CABIN1: variants seen among roughly 807,000 people sequenced by gnomAD.
CABIN1 encodes the protein calcineurin binding protein 1.
Under a neutral mutation model 227.7 loss-of-function variants are expected in CABIN1, and 133 were observed. That is an observed-to-expected ratio of 0.58 (90% CI 0.51 to 0.67). The LOEUF (loss-of-function observed/expected upper bound fraction) is 0.67. Among genes scored for constraint, CABIN1 ranks in the 30% least tolerant of loss-of-function variants. The pLI is 0.00. For missense variants in CABIN1, 2,408 were observed against 2,852.5 expected, an observed-to-expected ratio of 0.84 and a Z score of 3.55; for synonymous variants, 1,086 against 1,155.1, an observed-to-expected ratio of 0.94 and a Z score of 1.21.
At chr22:24,066,120 C>T (rs960520939) in intron 15 of CABIN1, among the ~76,000 whole-genome samples, 4 of 152,094 alleles carry the variant, frequency 2.6e-5, no homozygotes, top group African/African-American at 7.2e-5. Context: ...CATAGTTAGC[C>T]CAGGGTTGAC....
intron 25 of CABIN1, among the ~76,000 whole-genome samples, chr22:24,097,234 T>A (rs951109511): frequency 1.3e-5 from 2 of 152,216 alleles, no homozygotes; most frequent in African/African-American, 4.8e-5. Context: ...TTATAGAACA[T>A]TCAGGTAGTA....
Position 24,138,257 on chromosome 22 carries a change from A to G in CABIN1, c.4746+3842A>G, listed in dbSNP as rs146832959. ...CACAAACAGAAGACTTCTGTGACCA[A>G]ATGGGGGGCAGATTTAAGAGACAGC... On this transcript the variant is annotated intron_variant, in intron 29 of 36. Coordinates refer to ENST00000263119, the MANE Select transcript of CABIN1 (RefSeq NM_012295.4). 8.7e-3 allele frequency among the ~76,000 whole-genome samples: 1,329 copies of G among 152,258 alleles called. 20 individuals carry two copies. The highest frequency in any genetic ancestry group is 0.03 in the African/African-American group (1,245 of 41,534).
At chr22:24,176,340 G>A in intron 35 of CABIN1, 65 bp downstream of exon 35, 1 of 1,536,794 alleles carries the variant, frequency 6.5e-7, no homozygotes, top group East Asian at 2.4e-5. Context: ...TGGCAGCCAG[G>A]GTGGGTTTCC....
At chr22:24,017,174 C>T (rs1323368358) in intron 1 of CABIN1, among the ~76,000 whole-genome samples, 1 of 151,050 alleles carries the variant, frequency 6.6e-6, no homozygotes, top group Non-Finnish European at 1.5e-5. Flanking sequence ...GTAGCTGGGA[C>T]TACAGGCGCG....
chr22:24,070,640 A>G (rs748976946), intron 16 of CABIN1, among the ~76,000 whole-genome samples, 160 bp from the exon 17 acceptor site: 2 of 152,194 alleles, frequency 1.3e-5, no homozygotes, highest in Non-Finnish European at 2.9e-5. Context: ...CTGCCCTTCT[A>G]GGCACCTCCG....
intron 23 of CABIN1, 55 bp from the exon 24 acceptor site, chr22:24,091,528 G>C: frequency 2.5e-6 from 4 of 1,612,258 alleles, no homozygotes; most frequent in Non-Finnish European, 3.4e-6. Flanking sequence ...GAAAAAGTCT[G>C]ATCCCTGGGC....
chr22:24,176,090 A>G (rs955123171), intron 34 of CABIN1, 21 bp from the exon 35 acceptor site: 2 of 1,606,668 alleles, frequency 1.2e-6, no homozygotes, highest in African/African-American at 2.7e-5. Context: ...TATTACCTGC[A>G]GTGAGCCCAT....
At chr22:24,047,013 C>T (rs2037940489) in intron 6 of CABIN1, among the ~76,000 whole-genome samples, 1 of 152,142 alleles carries the variant, frequency 6.6e-6, no homozygotes, top group South Asian at 2.1e-4. Context: ...TGAGGCCCCC[C>T]CACATTAGGG....
rs2041989953 is a variant in CABIN1 at position 24,097,950 on chromosome 22, G to A, written c.3939-64G>A. On this transcript the variant is annotated intron_variant, in intron 25 of 36. Transcript: ENST00000263119. ...CTGGGAAGGGCATTCACCCTTACCA[G>A]TACACATCTGTTTCAATGTGAGGTG... is the stretch of plus-strand genomic sequence containing the variant. 5 of 1,596,910 alleles carry A rather than the reference G, an allele frequency of 3.1e-6. No homozygotes were observed. The Admixed American group carries it at 8.3e-5, about 27-fold the overall frequency.
intron 24 of CABIN1, 149 bp downstream of exon 24, chr22:24,091,992 T>A: frequency 2.3e-6 from 2 of 865,964 alleles, no homozygotes; most frequent in African/African-American, 1.7e-5. Flanking sequence ...GCAATTGAAT[T>A]AAAACATCAT....
rs1407902743 is a variant in CABIN1 at position 24,060,012 on chromosome 22, C to T, written c.1488C>T (p.Gly496=). The T allele has an allele frequency of 6.2e-7, 1 of 1,614,194 alleles. No homozygotes were observed. Among genetic ancestry groups the T allele is most frequent in the Non-Finnish European group, 8.5e-7 (1 of 1,180,042 alleles). The part of the protein sequence containing the change: ...ELMMRYLKAM[G]HKFLVRWPPG... ...TGATGCGCTACCTGAAAGCCATGGGCCACAAGTTCTTGGTAAGGTGGCCTC... is the reference window on the plus strand; with the variant it reads ...TGATGCGCTACCTGAAAGCCATGGGTCACAAGTTCTTGGTAAGGTGGCCTC... The change falls in exon 12 of 37, where the codon GGC becomes GGT. Residue 496 remains glycine (G), a synonymous_variant. Transcript: ENST00000263119.
chr22:24,034,917 T>C (rs1414485340), intron 1 of CABIN1, among the ~76,000 whole-genome samples: 1 of 152,240 alleles, frequency 6.6e-6, no homozygotes, highest in East Asian at 1.9e-4. Flanking sequence ...TGTTGTCACT[T>C]GGCCCTCAAC....
At chr22:24,028,345 T>TA (rs1471371819) in intron 1 of CABIN1, among the ~76,000 whole-genome samples, 1 of 152,184 alleles carries the variant, frequency 6.6e-6, no homozygotes, top group Non-Finnish European at 1.5e-5. Flanking sequence ...CGGGGACTGT[T>TA]AAAGTCCTAT....
intron 15 of CABIN1, among the ~76,000 whole-genome samples, chr22:24,064,512 G>GTTTTTTTTTTTTT (rs782268156): frequency 5.6e-5 from 6 of 106,882 alleles, no homozygotes; most frequent in Non-Finnish European, 7.2e-5. Flanking sequence ...CAGCTGAAAG[G>GTTTTTTTTTTTTT]TTTTTTTTTT....
At position 24,165,600 on chromosome 22, in the gene CABIN1, G is replaced by A. The variant is rs372722834; in HGVS notation, c.4981G>A (p.Glu1661Lys). 5 of 1,612,976 alleles carry A rather than the reference G, an allele frequency of 3.1e-6. No individual in the cohort carries two copies. Among genetic ancestry groups the A allele is most frequent in the Non-Finnish European group, 4.2e-6 (5 of 1,179,968 alleles). ...RAFILTVKVLEDTLSELAEGS... is the reference protein window; with the variant it reads ...RAFILTVKVLKDTLSELAEGS... ...CTTCATCCTCACTGTGAAGGTGCTC[G>A]AAGACACGCTGAGCGAGCTCGCAGA... The change falls in exon 31 of 37, where the codon GAA becomes AAA. Residue 1661 changes from glutamate (E) to lysine (K), a missense_variant. By Grantham distance (56) the Glu-to-Lys change is moderately conservative (BLOSUM62 1). Coordinates refer to ENST00000263119, the MANE Select transcript of CABIN1 (RefSeq NM_012295.4).
At chr22:24,073,584 T>C (rs538106690) in intron 18 of CABIN1, among the ~76,000 whole-genome samples, 2 of 152,168 alleles carry the variant, frequency 1.3e-5, no homozygotes, top group Non-Finnish European at 2.9e-5. Flanking sequence ...ACCTCTGGCC[T>C]TGACAGGTTT....
intron 29 of CABIN1, chr22:24,156,431 G>A (rs1304604219): frequency 1.8e-5 from 4 of 226,890 alleles, no homozygotes; most frequent in East Asian, 9.1e-5. Context: ...GCCCGCACAC[G>A]CGCCAGCGCA....
chr22:24,026,906 A>G (rs372877976), intron 1 of CABIN1, among the ~76,000 whole-genome samples: 4 of 152,316 alleles, frequency 2.6e-5, no homozygotes, highest in African/African-American at 7.2e-5. Flanking sequence ...CAGCTTATCT[A>G]TAATTACAAA....
intron 28 of CABIN1, among the ~76,000 whole-genome samples, chr22:24,120,105 C>T (rs2043316632): frequency 6.6e-6 from 1 of 152,202 alleles, no homozygotes; most frequent in Non-Finnish European, 1.5e-5. Context: ...GCCCTAGGGG[C>T]CCTGCTTACT....
Sources: gnomAD v4.1 joint callset for allele counts (sites outside exome capture counted in the v4.1 genomes callset) on GRCh38, gnomAD v4.1.1 for gene constraint, MANE v1.5 for transcripts, NCBI Gene and HGNC (gene_info 2026-07-23, HGNC 2026-07-21) for gene names.